The following BBS9 variants were observed in gnomAD, a reference collection of about 807,000 sequenced individuals.
BBS9 encodes protein PTHB1.
Under a neutral mutation model 117.7 loss-of-function variants are expected in BBS9, and 89 were observed. That is an observed-to-expected ratio of 0.76 (90% CI 0.64 to 0.90). The LOEUF (loss-of-function observed/expected upper bound fraction) is 0.90. BBS9 is among the 40% of genes least tolerant of loss of function. The pLI is 0.00. For missense variants in BBS9, 982 were observed against 1,042.2 expected (o/e 0.94, Z 0.80); for synonymous variants, 379 against 370.9 (o/e 1.02, Z -0.25).
chr7:33,516,052 T>C (rs1249674710), intron 20 of BBS9, among the ~76,000 whole-genome samples: 2 of 152,198 alleles, frequency 1.3e-5, no homozygotes, highest in Admixed American at 6.5e-5. Context: ...CGTGACATAA[T>C]ATGAACTGCT....
chr7:33,529,832 G>T (rs182639686), intron 20 of BBS9, among the ~76,000 whole-genome samples: 27 of 152,134 alleles, frequency 1.8e-4, no homozygotes, highest in African/African-American at 6.0e-4. Context: ...CACAATATAA[G>T]ACAAAAATAC....
chr7:33,145,708 C>T (rs1792227685), intron 1 of BBS9, among the ~76,000 whole-genome samples: 2 of 152,142 alleles, frequency 1.3e-5, no homozygotes, highest in South Asian at 4.2e-4. Context: ...CAACCAACTG[C>T]AGATTGAAAC....
At chr7:33,516,205 C>T (rs1847753495) in intron 20 of BBS9, among the ~76,000 whole-genome samples, 1 of 152,052 alleles carries the variant, frequency 6.6e-6, no homozygotes, top group Non-Finnish European at 1.5e-5. Flanking sequence ...ATTGATGGAA[C>T]ATAGGCCGGG....
At chr7:33,597,141 A>G (rs1313575727) in intron 21 of BBS9, among the ~76,000 whole-genome samples, 2 of 151,812 alleles carry the variant, frequency 1.3e-5, no homozygotes, top group Non-Finnish European at 2.9e-5. Context: ...GAATATATTT[A>G]TAGAGTCTCT....
At chr7:33,158,934 A>G (rs1794457591) in intron 4 of BBS9, among the ~76,000 whole-genome samples, 1 of 152,172 alleles carries the variant, frequency 6.6e-6, no homozygotes, top group African/African-American at 2.4e-5. Flanking sequence ...TGACAGACAG[A>G]AAAAGGAAAG....
At chr7:33,176,588 A>G (rs1797355199) in intron 4 of BBS9, among the ~76,000 whole-genome samples, 1 of 152,254 alleles carries the variant, frequency 6.6e-6, no homozygotes, top group Non-Finnish European at 1.5e-5. Flanking sequence ...AACCCAAAAC[A>G]AATAAATGCT....
At chr7:33,630,532 G>C (rs1865843028) in intron 21 of BBS9, among the ~76,000 whole-genome samples, 1 of 152,068 alleles carries the variant, frequency 6.6e-6, no homozygotes, top group Non-Finnish European at 1.5e-5. Context: ...CTCTCTCCTC[G>C]TGAGTTCAGT....
intron 1 of BBS9, among the ~76,000 whole-genome samples, chr7:33,133,015 C>T (rs981468966): frequency 6.6e-6 from 1 of 152,034 alleles, no homozygotes; most frequent in Admixed American, 6.6e-5. Context: ...GTCCTGAACT[C>T]CTTAGCTCAA....
At chr7:33,538,106 A>G (rs541035962) in intron 21 of BBS9, among the ~76,000 whole-genome samples, 2 of 152,332 alleles carry the variant, frequency 1.3e-5, no homozygotes, top group African/African-American at 4.8e-5. Flanking sequence ...AGGTGCCTCA[A>G]GTGAACATTC....
chr7:33,489,043 A>T (rs1308402849), intron 19 of BBS9, among the ~76,000 whole-genome samples: 1 of 127,742 alleles, frequency 7.8e-6, no homozygotes, highest in Non-Finnish European at 1.6e-5. Flanking sequence ...CCCAGGCTGG[A>T]GTGCAATGGC....
At chr7:33,194,054 G>C (rs1472526972) in intron 5 of BBS9, among the ~76,000 whole-genome samples, 1 of 152,110 alleles carries the variant, frequency 6.6e-6, no homozygotes, top group Non-Finnish European at 1.5e-5. Context: ...TAGCTTGGCT[G>C]CTATTTTTTA....
At chr7:33,615,572 C>T (rs1310520739) in intron 21 of BBS9, among the ~76,000 whole-genome samples, 1 of 151,830 alleles carries the variant, frequency 6.6e-6, no homozygotes, top group Non-Finnish European at 1.5e-5. Flanking sequence ...GAACAAATAT[C>T]CAAGAAATGT....
At chr7:33,273,270 A>G in intron 8 of BBS9, 75 bp downstream of exon 8, 1 of 1,395,710 alleles carries the variant, frequency 7.2e-7, no homozygotes, top group Non-Finnish European at 1.0e-6. Context: ...AGCCACACTC[A>G]TACACATATT....
downstream of BBS9, among the ~76,000 whole-genome samples, chr7:33,608,356 A>T (rs1322102502): frequency 2.6e-5 from 4 of 152,032 alleles, no homozygotes; most frequent in Non-Finnish European, 4.4e-5. Flanking sequence ...ACGTATAAGT[A>T]CCTATGCCTT....
chr7:33,543,351 A>G (rs564520860), intron 21 of BBS9, among the ~76,000 whole-genome samples: 1 of 151,518 alleles, frequency 6.6e-6, no homozygotes, highest in Admixed American at 6.6e-5. Context: ...TAGATTCTGG[A>G]TATTACTCCC....
At chr7:33,462,278 T>C (rs940193980) in intron 19 of BBS9, among the ~76,000 whole-genome samples, 1 of 152,138 alleles carries the variant, frequency 6.6e-6, no homozygotes, top group Non-Finnish European at 1.5e-5. Context: ...ATCCCAGATA[T>C]ATTTACATTT....
rs549694292 is a variant in BBS9, at chr7:33,219,255, C to A, written c.443-37981C>A. Reference sequence around the variant, plus strand: ...CTGCAGCCCGCCATGCCTGAGCCTCCCACCCCCTCCGTGGGCTCCTGTGCG... The same window carrying A: ...CTGCAGCCCGCCATGCCTGAGCCTCACACCCCCTCCGTGGGCTCCTGTGCG... On this transcript the variant is annotated intron_variant, in intron 5 of 22. Transcript: ENST00000242067. Among the ~76,000 whole-genome samples, 11 of 152,310 alleles carry A rather than the reference C, an allele frequency of 7.2e-5. No homozygotes were observed. In the South Asian group the frequency reaches 1.9e-3, roughly 26 times the overall value.
At chr7:33,268,376 T>A (rs1232775127) in intron 7 of BBS9, among the ~76,000 whole-genome samples, 1 of 152,072 alleles carries the variant, frequency 6.6e-6, no homozygotes, top group Non-Finnish European at 1.5e-5. Context: ...AGACTCTGAG[T>A]ATCCATCTCC....
chr7:33,396,044 C>T (rs1243582734), intron 19 of BBS9, among the ~76,000 whole-genome samples: 3 of 151,796 alleles, frequency 2.0e-5, no homozygotes, highest in Admixed American at 6.6e-5. Flanking sequence ...AATTTGCAAT[C>T]GTATGTTTGT....
Sources: allele counts gnomAD v4.1 joint callset (sites outside exome capture counted in the v4.1 genomes callset), GRCh38; gene constraint gnomAD v4.1.1; transcripts MANE v1.5; gene names NCBI Gene and HGNC (gene_info 2026-07-23, HGNC 2026-07-21).